The following GNAO1 variants were observed in gnomAD, a reference collection of about 807,000 sequenced individuals.
The protein encoded by GNAO1 is G protein subunit alpha o1.
For missense variants in GNAO1, 166 were observed against 478.7 expected (o/e 0.35, Z 6.10); for synonymous variants, 164 against 180.7 (o/e 0.91, Z 0.74).
intron 6 of GNAO1, among the ~76,000 whole-genome samples, chr16:56,348,758 C>G (rs1258423742): frequency 7.2e-6 from 1 of 138,188 alleles, no homozygotes; most frequent in African/African-American, 2.9e-5. Flanking sequence ...GTCTCAGTGC[C>G]GGCGCCTCCC....
intron 2 of GNAO1, among the ~76,000 whole-genome samples, chr16:56,272,492 C>G (rs779320659): frequency 2.6e-5 from 4 of 152,156 alleles, no homozygotes; most frequent in African/African-American, 9.7e-5. Context: ...GCAATTTCCC[C>G]CAAATTGCAA....
At chr16:56,266,881 T>A (rs2036958889) in intron 2 of GNAO1, among the ~76,000 whole-genome samples, 1 of 152,100 alleles carries the variant, frequency 6.6e-6, no homozygotes, top group Non-Finnish European at 1.5e-5. Context: ...AGGGAATGAA[T>A]AAACAAAGGA....
chr16:56,296,259 T>C (rs1286963556), intron 3 of GNAO1, among the ~76,000 whole-genome samples: 1 of 152,166 alleles, frequency 6.6e-6, no homozygotes, highest in East Asian at 1.9e-4. Context: ...TGGTGTTGTG[T>C]TGTGGGTTTT....
In GNAO1 at chr16:56,200,830, A is replaced by G. The variant is rs563472079; in HGVS notation, c.161+8214A>G. Among the ~76,000 whole-genome samples the G allele has an allele frequency of 6.6e-5, 10 of 152,308 alleles. No homozygotes were observed. The South Asian group carries it at 2.1e-3, about 32-fold the overall frequency. ...ATCACATTGATTTGGATACCAGAGT[A>G]TTCCCTAGCAACCATCTGGACAGGC... On this transcript the variant is annotated intron_variant, in intron 2 of 8. Coordinates refer to ENST00000262493, the MANE Select transcript of GNAO1 (RefSeq NM_020988.3).
chr16:56,317,054 G>A (rs766333887), intron 3 of GNAO1, among the ~76,000 whole-genome samples: 82 of 152,338 alleles, frequency 5.4e-4, no homozygotes, highest in Non-Finnish European at 1.0e-3. Context: ...GGAAAAACCT[G>A]CTTCTCAGTC....
chr16:56,310,273 G>A (rs939034826), intron 3 of GNAO1, among the ~76,000 whole-genome samples: 21 of 152,212 alleles, frequency 1.4e-4, no homozygotes, highest in African/African-American at 4.3e-4. Flanking sequence ...CGAGGTTGCA[G>A]TGAGCTATGA....
intron 2 of GNAO1, among the ~76,000 whole-genome samples, chr16:56,215,692 A>G (rs766984298): frequency 3.0e-4 from 46 of 152,232 alleles, no homozygotes; most frequent in Non-Finnish European, 5.9e-5. Context: ...GTACATTTAC[A>G]TAATAAGTAG....
intron 3 of GNAO1, among the ~76,000 whole-genome samples, chr16:56,287,207 A>G (rs899239): frequency 0.67 from 102,177 of 152,136 alleles, 34,744 homozygotes; most frequent in East Asian, 0.8. Flanking sequence ...GAGGGGAGAT[A>G]GGCTGGTAAC....
intron 3 of GNAO1, among the ~76,000 whole-genome samples, chr16:56,297,540 T>TGC (rs1382878262): frequency 3.3e-5 from 5 of 151,094 alleles, no homozygotes; most frequent in African/African-American, 1.2e-4. Context: ...TGTGTGTGTG[T>TGC]GTGTGTGTGT....
chr16:56,346,583 G>A (rs78560610), intron 6 of GNAO1: 37,238 of 985,332 alleles, frequency 0.038, 1,020 homozygotes, highest in African/African-American at 0.11. Flanking sequence ...CCTGAGGAGG[G>A]TGTGGGGTCT....
chr16:56,192,403 C>T lies in GNAO1; in HGVS notation c.118+50C>T, dbSNP rs370572969. 5.4e-6 allele frequency: 6 copies of T among 1,117,112 alleles called. No homozygotes were observed. The African/African-American group carries it at 8.0e-5, about 15-fold the overall frequency. 69.2% of individuals were successfully genotyped at this position (1,117,112 alleles called of 1,614,324 possible). A position where few individuals can be genotyped will look rare whatever the true frequency, so the allele number is the denominator to read the frequency against. ...ATCCCCCGACCCCGGCCACTCCGCA[C>T]CCCCTGCCACCAGCTCCCCCACCCC... On this transcript the variant is annotated intron_variant, in intron 1 of 8. Coordinates refer to ENST00000262493, the MANE Select transcript of GNAO1 (RefSeq NM_020988.3).
chr16:56,335,643 A>C (rs762547232), intron 5 of GNAO1, among the ~76,000 whole-genome samples: 3 of 152,146 alleles, frequency 2.0e-5, no homozygotes, highest in African/African-American at 4.8e-5. Context: ...AGGCCTCCGC[A>C]GATCTGGGGA....
chr16:56,344,286 G>A (rs2037840764), intron 6 of GNAO1: 3 of 1,209,554 alleles, frequency 2.5e-6, no homozygotes, highest in Non-Finnish European at 2.1e-6. Context: ...CTCACTGGAA[G>A]CCTCGGAGTG....
Position 56,354,793 on chromosome 16 carries a change from C to T in GNAO1, c.878-73C>T. ...GGACACGCCACAACCCACTTCTTGT[C>T]TTCATGTCCCCAGCCCTGTCCACCC... is the stretch of plus-strand genomic sequence containing the variant. On this transcript the variant is annotated intron_variant, in intron 7 of 8. Transcript: ENST00000262493. The surrounding 1 kb of genome is among the most constrained non-coding windows in gnomAD (Gnocchi z 4.3). 1 of 908,770 alleles carries T rather than the reference C, an allele frequency of 1.1e-6. No homozygotes were observed. Among genetic ancestry groups the T allele is most frequent in the South Asian group, 1.5e-5 (1 of 65,530 alleles). 56.3% of individuals were successfully genotyped at this position (908,770 alleles called of 1,614,324 possible).
At chr16:56,319,029 C>A (rs2037543667) in intron 3 of GNAO1, among the ~76,000 whole-genome samples, 1 of 152,192 alleles carries the variant, frequency 6.6e-6, no homozygotes, top group African/African-American at 2.4e-5. Context: ...CTGTTCATTT[C>A]CCCATCATAT....
At chr16:56,331,487 C>G (rs1435050802) in intron 4 of GNAO1, among the ~76,000 whole-genome samples, 1 of 152,184 alleles carries the variant, frequency 6.6e-6, no homozygotes, top group Non-Finnish European at 1.5e-5. Flanking sequence ...ATAGCCCAGT[C>G]CTATCCTGGG....
chr16:56,315,902 T>C (rs1237848384), intron 3 of GNAO1, among the ~76,000 whole-genome samples: 1 of 151,784 alleles, frequency 6.6e-6, no homozygotes, highest in East Asian at 1.9e-4. Context: ...CTACTAAAAA[T>C]ACAAAAATTA....
At chr16:56,265,052 C>A (rs1325979048) in intron 2 of GNAO1, among the ~76,000 whole-genome samples, 1 of 152,154 alleles carries the variant, frequency 6.6e-6, no homozygotes, top group Non-Finnish European at 1.5e-5. Flanking sequence ...TCTATCTTGT[C>A]CCATCTAGGT....
intron 3 of GNAO1, among the ~76,000 whole-genome samples, chr16:56,285,370 T>C (rs560820021): frequency 6.6e-6 from 1 of 152,116 alleles, no homozygotes; most frequent in South Asian, 2.1e-4. Context: ...ATCTTGGATG[T>C]CCAAGAGCCA....
Sources: gnomAD v4.1 joint callset for allele counts (sites outside exome capture counted in the v4.1 genomes callset) on GRCh38, gnomAD v4.1.1 for gene constraint, Gnocchi (gnomAD v3.1) non-coding constraint, MANE v1.5 for transcripts, NCBI Gene and HGNC (gene_info 2026-07-23, HGNC 2026-07-21) for gene names.